Variants in SMCHD1 observed in about 807,000 individuals in gnomAD.
The protein encoded by SMCHD1 is structural maintenance of chromosomes flexible hinge domain-containing protein 1.
Under a neutral mutation model 254.7 loss-of-function variants are expected in SMCHD1, and 78 were observed. The ratio of observed to expected loss-of-function variants is 0.31; its 90% confidence interval spans 0.26 to 0.37. The LOEUF (loss-of-function observed/expected upper bound fraction) is 0.37, where lower values mean the gene tolerates loss of function less well. Ranked by LOEUF, SMCHD1 falls within the 10% of genes least tolerant of loss-of-function variation. The pLI is 1.00. For missense variants in SMCHD1, 1,840 were observed against 2,408.1 expected (o/e 0.76, Z 4.94); for synonymous variants, 766 against 794.9 (o/e 0.96, Z 0.61).
chr18:2,784,740 G>GT (rs2076211614), intron 45 of SMCHD1, 119 bp downstream of exon 45: 6 of 1,150,374 alleles, frequency 5.2e-6, no homozygotes, highest in Non-Finnish European at 7.5e-6. Flanking sequence ...AGTAACAAAT[G>GT]TAAGTAAGAT....
chr18:2,675,684 G>A (rs1340383964), intron 5 of SMCHD1, among the ~76,000 whole-genome samples: 1 of 152,154 alleles, frequency 6.6e-6, no homozygotes, highest in Non-Finnish European at 1.5e-5. Flanking sequence ...ATAGGATTTA[G>A]CATATCACAG....
intron 5 of SMCHD1, among the ~76,000 whole-genome samples, chr18:2,678,915 T>C (rs1363387267): frequency 6.6e-6 from 1 of 150,442 alleles, no homozygotes; most frequent in Non-Finnish European, 1.5e-5. Flanking sequence ...TAGTGCAATC[T>C]CAGCTCGCTG....
chr18:2,793,556 C>G (rs1249640009), intron 45 of SMCHD1, among the ~76,000 whole-genome samples: 2 of 150,334 alleles, frequency 1.3e-5, no homozygotes, highest in East Asian at 3.9e-4. Context: ...TCCCAGCCAC[C>G]TGGGAGGCTG....
chr18:2,759,861 C>T (rs2075756357), intron 34 of SMCHD1, among the ~76,000 whole-genome samples: 1 of 152,216 alleles, frequency 6.6e-6, no homozygotes, highest in East Asian at 1.9e-4. Flanking sequence ...TGAGCCACTG[C>T]GCCCAGCCTT....
intron 45 of SMCHD1, among the ~76,000 whole-genome samples, chr18:2,794,471 A>C (rs1049273458): frequency 2.0e-5 from 3 of 152,266 alleles, no homozygotes; most frequent in South Asian, 2.1e-4. Flanking sequence ...ATGTCACTGC[A>C]CTCCATTCTG....
intron 8 of SMCHD1, among the ~76,000 whole-genome samples, chr18:2,696,820 C>T (rs997400414): frequency 3.3e-5 from 5 of 152,176 alleles, no homozygotes; most frequent in African/African-American, 9.7e-5. Context: ...AACTTACATA[C>T]ACTTCTTGCA....
At chr18:2,714,757 C>G (rs1034976548) in intron 17 of SMCHD1, among the ~76,000 whole-genome samples, 14 of 151,694 alleles carry the variant, frequency 9.2e-5, no homozygotes, top group Non-Finnish European at 1.8e-4. Flanking sequence ...TAGTGAATTT[C>G]TTCAGGATTT....
At chr18:2,726,562 T>TTATA in intron 22 of SMCHD1, 38 bp downstream of exon 22, 1 of 1,034,186 alleles carries the variant, frequency 9.7e-7, no homozygotes, top group Non-Finnish European at 1.4e-6. Context: ...TTTAAAATAA[T>TTATA]TTTCTTATGT....
At chr18:2,752,811 A>G (rs1243369803) in intron 34 of SMCHD1, 2 of 340,222 alleles carry the variant, frequency 5.9e-6, no homozygotes, top group African/African-American at 4.5e-5. Flanking sequence ...TTATGTTGTC[A>G]GGGCACTTTA....
At chr18:2,744,140 G>A (rs568857278) in intron 29 of SMCHD1, among the ~76,000 whole-genome samples, 1 of 152,222 alleles carries the variant, frequency 6.6e-6, no homozygotes, top group South Asian at 2.1e-4. Context: ...AATAATGAGT[G>A]TAATAATTCA....
intron 1 of SMCHD1, among the ~76,000 whole-genome samples, chr18:2,663,485 T>C (rs1035229294): frequency 6.6e-6 from 1 of 152,212 alleles, no homozygotes; most frequent in East Asian, 1.9e-4. Flanking sequence ...TTTACAATTT[T>C]GGGCTAATGT....
At position 2,751,384 on chromosome 18, in the gene SMCHD1, C is replaced by T; in HGVS notation, c.4272C>T (p.Pro1424=). Reference sequence around the variant, plus strand: ...AGCTGTCTACCAGTGGGAACCGACCCCCAGCAAATGTGAGTCATGGGAAGC... The same window carrying T: ...AGCTGTCTACCAGTGGGAACCGACCTCCAGCAAATGTGAGTCATGGGAAGC... ...MWKLSTSGNR[P]PANAETFSCN... The change falls in exon 33 of 48, where the codon CCC becomes CCT. Residue 1424 remains proline (P), a synonymous_variant. Transcript: ENST00000320876. 6.4e-7 allele frequency: 1 copy of T among 1,556,950 alleles called. No individual in the cohort carries two copies. Among genetic ancestry groups the T allele is most frequent in the Non-Finnish European group, 8.6e-7 (1 of 1,157,508 alleles).
chr18:2,708,517 T>C, intron 17 of SMCHD1, among the ~76,000 whole-genome samples: 1 of 151,838 alleles, frequency 6.6e-6, no homozygotes, highest in African/African-American at 2.4e-5. Context: ...GGTGGTAAAG[T>C]AAGACCCTGT....
chr18:2,674,685 G>A (rs1164858797), intron 5 of SMCHD1, among the ~76,000 whole-genome samples: 2 of 152,188 alleles, frequency 1.3e-5, no homozygotes, highest in African/African-American at 2.4e-5. Flanking sequence ...TTAGATTCTT[G>A]AGATATTAGT....
chr18:2,798,392 T>C (rs940274897), intron 47 of SMCHD1, among the ~76,000 whole-genome samples: 35 of 152,206 alleles, frequency 2.3e-4, no homozygotes, highest in African/African-American at 8.2e-4. Flanking sequence ...AAAGACTCTT[T>C]GCAGTGGATT....
intron 34 of SMCHD1, among the ~76,000 whole-genome samples, chr18:2,758,263 G>T (rs1164313789): frequency 1.2e-4 from 18 of 151,652 alleles, no homozygotes; most frequent in Admixed American, 1.2e-3. Flanking sequence ...GTTTCTAATA[G>T]TCATTTTCTG....
chr18:2,724,367 T>G (rs1414324744), intron 20 of SMCHD1, among the ~76,000 whole-genome samples: 1 of 152,012 alleles, frequency 6.6e-6, no homozygotes, highest in Non-Finnish European at 1.5e-5. Flanking sequence ...AGGAACCATA[T>G]TACTCATGGA....
At chr18:2,772,587 A>G (rs1015054266) in intron 41 of SMCHD1, among the ~76,000 whole-genome samples, 1 of 152,248 alleles carries the variant, frequency 6.6e-6, no homozygotes, top group African/African-American at 2.4e-5. Flanking sequence ...AGTTGTTAAC[A>G]TCTATTAGTT....
intron 20 of SMCHD1, among the ~76,000 whole-genome samples, chr18:2,723,822 T>C (rs1040908734): frequency 9.9e-5 from 15 of 152,058 alleles, no homozygotes; most frequent in African/African-American, 3.4e-4. Context: ...TTTTTGCTTG[T>C]TTGTTTAAAC....
Sources: allele counts gnomAD v4.1 joint callset (sites outside exome capture counted in the v4.1 genomes callset), GRCh38; gene constraint gnomAD v4.1.1; transcripts MANE v1.5; gene names NCBI Gene and HGNC (gene_info 2026-07-23, HGNC 2026-07-21).